LARP4B: variants seen among roughly 807,000 people sequenced by gnomAD.
LARP4B encodes the protein la-related protein 4B.
In LARP4B, 12 loss-of-function variants were observed where a neutral mutation model predicts 89.8. The ratio of observed to expected loss-of-function variants is 0.13; its 90% CI spans 0.09 to 0.22. LARP4B has a LOEUF of 0.22. Ranked by LOEUF, LARP4B falls within the 10% of genes least tolerant of loss-of-function variation. The pLI is 1.00. For missense variants in LARP4B, 757 were observed against 947.7 expected, an observed-to-expected ratio of 0.80 and a Z score of 2.64; for synonymous variants, 367 against 363.3, an observed-to-expected ratio of 1.01 and a Z score of -0.12.
At chr10:892,782 AC>A (rs1427583314) in intron 1 of LARP4B, among the ~76,000 whole-genome samples, 1 of 151,090 alleles carries the variant, frequency 6.6e-6, no homozygotes, top group Non-Finnish European at 1.5e-5. Flanking sequence ...CTTGTGATCC[AC>A]CCACCTCGGC....
chr10:937,743 ACACTT>A, the LARP4B span, among the ~76,000 whole-genome samples: 1 of 152,266 alleles, frequency 6.6e-6, no homozygotes. Flanking sequence ...AAGACAATGA[ACACTT>A]CAGGAAGTTT....
At chr10:983,377 T>G in the LARP4B span, among the ~76,000 whole-genome samples, 1 of 152,230 alleles carries the variant, frequency 6.6e-6, no homozygotes, top group Non-Finnish European at 1.5e-5. Flanking sequence ...TGCTGACCTA[T>G]GGTGAGTATC....
the LARP4B span, among the ~76,000 whole-genome samples, chr10:959,409 A>G: frequency 0.29 from 13,313 of 45,790 alleles, 2,739 homozygotes; most frequent in Non-Finnish European, 0.37. Flanking sequence ...CCACCTCCCC[A>G]TCAATCCACC....
rs1832226645 is a variant in LARP4B, at chr10:819,420, T to TCCCATGGGCGTGGTTAGGC, written c.1530+1361_1530+1379dup. 6 of 152,288 alleles carry TCCCATGGGCGTGGTTAGGC rather than the reference T, an allele frequency of 3.9e-5. 1 individual carries two copies. Among genetic ancestry groups the TCCCATGGGCGTGGTTAGGC allele is most frequent in the Admixed American group, 3.9e-4 (6 of 15,296 alleles). The allele number at this position is 152,288 out of a possible 1,614,324, so 9.4% of individuals were successfully genotyped here. Reference sequence around the variant, plus strand: ...GGGTGAGGTCTGAGTACTGCTCAGGTCCCATGGGCGTGGTTAGGCCCGAGG... The same window carrying TCCCATGGGCGTGGTTAGGC: ...GGGTGAGGTCTGAGTACTGCTCAGGTCCCATGGGCGTGGTTAGGCCCCATGGGCGTGGTTAGGCCCGAGG... On this transcript the variant is annotated intron_variant, in intron 14 of 17. Transcript: ENST00000316157.
Position 811,570 on chromosome 10 carries a change from G to A in LARP4B, c.*1356C>T, listed in dbSNP as rs985613765. ...CCCACTCACGCCAACCCAGGGCCGGGCTCCATGGACTCTAAGCTGTCTTAT... is the reference window on the plus strand; with the variant it reads ...CCCACTCACGCCAACCCAGGGCCGGACTCCATGGACTCTAAGCTGTCTTAT... On this transcript the variant is annotated 3_prime_UTR_variant, in exon 18 of 18. Transcript: ENST00000316157. 3 of 152,682 alleles carry A rather than the reference G, an allele frequency of 2.0e-5. No homozygotes were observed. The South Asian group carries it at 6.2e-4, about 32-fold the overall frequency. 9.5% of individuals were successfully genotyped at this position (152,682 alleles called of 1,614,324 possible).
At position 825,082 on chromosome 10, in the gene LARP4B, A is replaced by T. The variant is rs776027544; in HGVS notation, c.1467T>A (p.Pro489=). The change falls in exon 13 of 18, where the codon CCT becomes CCA. Residue 489 remains proline (P), a synonymous_variant. Transcript: ENST00000316157. ...RVEPGSLESS[P]GLGRGRKNSF... Reference sequence around the variant, plus strand: ...CAACTCACCTTCCCCTCCCTAAACCAGGAGAGGATTCGAGACTGCCTGGCT... The same window carrying T: ...CAACTCACCTTCCCCTCCCTAAACCTGGAGAGGATTCGAGACTGCCTGGCT... The T allele has an allele frequency of 6.2e-7, 1 of 1,614,144 alleles. No individual in the cohort carries two copies. Among genetic ancestry groups the T allele is most frequent in the Non-Finnish European group, 8.5e-7 (1 of 1,179,974 alleles).
intron 1 of LARP4B, among the ~76,000 whole-genome samples, chr10:912,283 TAA>T (rs1290310048): frequency 2.1e-5 from 3 of 143,134 alleles, no homozygotes; most frequent in Non-Finnish European, 4.6e-5. Context: ...ATGAGATGCT[TAA>T]AAAAGAGAGA....
intron 3 of LARP4B, among the ~76,000 whole-genome samples, chr10:876,426 G>C (rs185607802): frequency 5.9e-5 from 9 of 152,270 alleles, no homozygotes; most frequent in African/African-American, 2.2e-4. Context: ...CCAAAAGGGA[G>C]AAATAGGCAA....
rs34933454 is a variant in LARP4B at position 810,784 on chromosome 10, ATTTTTT to A, written c.*2136_*2141del. 3 of 137,984 alleles carry A rather than the reference ATTTTTT, an allele frequency of 2.2e-5. No homozygotes were observed. The highest frequency in any genetic ancestry group is 4.7e-5 in the Non-Finnish European group (3 of 64,196). The allele number at this position is 137,984 out of a possible 1,614,324, so 8.5% of individuals were successfully genotyped here. A position where few individuals can be genotyped will look rare whatever the true frequency, so the allele number is the denominator to read the frequency against. On this transcript the variant is annotated 3_prime_UTR_variant, in exon 18 of 18. Coordinates refer to ENST00000316157, the MANE Select transcript of LARP4B (RefSeq NM_015155.3). ...GGGTTTCACAGATCAATTATTTCTG[ATTTTTT>A]TTTTTTTTTTGGTCAGTGAACTGAC...
intron 1 of LARP4B, among the ~76,000 whole-genome samples, chr10:927,297 G>A (rs989088977): frequency 1.3e-5 from 2 of 152,126 alleles, no homozygotes; most frequent in African/African-American, 4.8e-5. Context: ...GGGGGGCAGT[G>A]AGAAAGAGAA....
chr10:813,557 A>C (rs938868255), intron 17 of LARP4B, among the ~76,000 whole-genome samples: 3 of 152,212 alleles, frequency 2.0e-5, no homozygotes, highest in Admixed American at 2.0e-4. Context: ...GCTCAGGACA[A>C]CAGAAGGGTG....
intron 1 of LARP4B, among the ~76,000 whole-genome samples, chr10:930,690 A>G (rs1369828149): frequency 6.6e-6 from 1 of 152,184 alleles, no homozygotes; most frequent in Non-Finnish European, 1.5e-5. Context: ...AACACAGGCA[A>G]TCTTCACATC....
Position 829,720 on chromosome 10 carries a change from A to G in LARP4B, c.876T>C (p.Leu292=). ...CTTGAAAAGTTTTGACTTCTTCTCGAAGGTATTTGTAAGCCTAAGGGCAAA... is the reference window on the plus strand; with the variant it reads ...CTTGAAAAGTTTTGACTTCTTCTCGGAGGTATTTGTAAGCCTAAGGGCAAA... ...EADAQQAYKY[L]REEVKTFQGK... is the part of the protein sequence containing the mutation. Residue 292 remains leucine (L), a synonymous_variant, in exon 10 of 18, where the codon CTT becomes CTC. Coordinates refer to ENST00000316157, the MANE Select transcript of LARP4B (RefSeq NM_015155.3). 1 of 1,612,528 alleles carries G rather than the reference A, an allele frequency of 6.2e-7. No individual in the cohort carries two copies. The highest frequency in any genetic ancestry group is 8.5e-7 in the Non-Finnish European group (1 of 1,178,906).
chr10:846,878 C>A (rs1833804119), intron 5 of LARP4B, among the ~76,000 whole-genome samples: 1 of 152,160 alleles, frequency 6.6e-6, no homozygotes, highest in African/African-American at 2.4e-5. Context: ...GGCCAAGGGA[C>A]ACAGGCTCAC....
the LARP4B span, among the ~76,000 whole-genome samples, chr10:962,138 C>CA: frequency 2.0e-5 from 3 of 151,234 alleles, no homozygotes; most frequent in East Asian, 1.9e-4. Context: ...GCTAAAAATA[C>CA]AAAAAAAATT....
the LARP4B span, among the ~76,000 whole-genome samples, chr10:981,237 C>T: frequency 2.6e-5 from 4 of 152,222 alleles, no homozygotes; most frequent in Admixed American, 6.5e-5. Context: ...ATCAGTATTT[C>T]GGTCACAACC....
At chr10:967,589 C>T in the LARP4B span, among the ~76,000 whole-genome samples, 6 of 152,174 alleles carry the variant, frequency 3.9e-5, no homozygotes, top group South Asian at 2.1e-4. Flanking sequence ...AAGCATGCCA[C>T]GAAATCGCAG....
chr10:945,213 G>A, the LARP4B span, among the ~76,000 whole-genome samples: 11 of 151,584 alleles, frequency 7.3e-5, no homozygotes, highest in East Asian at 1.6e-3. Context: ...GTGAAACCTC[G>A]TCTCTACTAA....
chr10:891,303 C>T (rs115565619), intron 1 of LARP4B, among the ~76,000 whole-genome samples: 1,579 of 152,204 alleles, frequency 0.01, 32 homozygotes, highest in African/African-American at 0.036. Flanking sequence ...GTAAGACACA[C>T]GCTGGTCAGT....
Sources: allele counts gnomAD v4.1 joint callset (sites outside exome capture counted in the v4.1 genomes callset), GRCh38; gene constraint gnomAD v4.1.1; transcripts MANE v1.5; gene names NCBI Gene and HGNC (gene_info 2026-07-23, HGNC 2026-07-21).